Variants in ATE1 observed in about 807,000 individuals in gnomAD.
ATE1 encodes the protein arginyltransferase 1, also known as arginyl-tRNA--protein transferase 1.
A neutral mutation model predicts 70.5 loss-of-function variants in ATE1; 36 were observed. That is an observed-to-expected ratio of 0.51 (90% CI 0.39 to 0.67). The LOEUF is 0.67. ATE1 is among the 30% of genes least tolerant of loss of function. The pLI is 0.00. For synonymous variants in ATE1, 232 were observed against 219.3 expected, an observed-to-expected ratio of 1.06 and a Z score of -0.51; for missense variants, 593 against 629.5, an observed-to-expected ratio of 0.94 and a Z score of 0.62.
In ATE1 at chr10:121,761,658, C is replaced by T. The variant is rs144077808; in HGVS notation, c.1379-17800G>A. Among the ~76,000 whole-genome samples, 52 of 152,246 alleles carry T rather than the reference C, an allele frequency of 3.4e-4. 3 individuals carry two copies. The East Asian group carries it at 8.5e-3, about 25-fold the overall frequency. ...AATTTTCTGGGAAATTTAGGGTGCT[C>T]TAATCTCTGAAGAGGATCCCCTTTC... On this transcript the variant is annotated intron_variant, in intron 11 of 11. Transcript: ENST00000224652.
At chr10:121,895,791 T>C (rs1950757846) in intron 7 of ATE1, among the ~76,000 whole-genome samples, 1 of 152,106 alleles carries the variant, frequency 6.6e-6, no homozygotes, top group Non-Finnish European at 1.5e-5. Context: ...TGGTGGCACA[T>C]GCCTGTAGTC....
chr10:121,778,763 G>A (rs1250014062), intron 11 of ATE1, among the ~76,000 whole-genome samples: 5 of 151,630 alleles, frequency 3.3e-5, no homozygotes, highest in African/African-American at 7.3e-5. Flanking sequence ...CACCACGCCC[G>A]GCTAATTTTT....
chr10:121,779,112 G>C (rs896878317), intron 11 of ATE1, among the ~76,000 whole-genome samples: 2 of 152,086 alleles, frequency 1.3e-5, no homozygotes, highest in African/African-American at 2.4e-5. Context: ...AGTTCTCATA[G>C]AGACCTCCAA....
chr10:121,756,136 A>ATTGC (rs754588739), intron 11 of ATE1, among the ~76,000 whole-genome samples: 239 of 152,150 alleles, frequency 1.6e-3, no homozygotes, highest in Non-Finnish European at 2.8e-3. Flanking sequence ...GGCCAAAACA[A>ATTGC]AAGGGCTACA....
chr10:121,899,702 T>C (rs970023325), intron 7 of ATE1, among the ~76,000 whole-genome samples, 164 bp downstream of exon 7: 10 of 152,292 alleles, frequency 6.6e-5, no homozygotes, highest in South Asian at 2.1e-4. Context: ...TAGGTAAAAT[T>C]TGCACTTTCA....
At chr10:121,782,084 G>T (rs1946016786) in intron 11 of ATE1, among the ~76,000 whole-genome samples, 1 of 152,030 alleles carries the variant, frequency 6.6e-6, no homozygotes, top group South Asian at 2.1e-4. Context: ...AAAATACCTT[G>T]CAGGAAAAAA....
At chr10:121,749,406 C>T (rs969665929) in intron 11 of ATE1, among the ~76,000 whole-genome samples, 1 of 152,098 alleles carries the variant, frequency 6.6e-6, no homozygotes, top group Non-Finnish European at 1.5e-5. Flanking sequence ...GTGAAAAACC[C>T]TTTAATTGTA....
chr10:121,856,451 AC>A, intron 8 of ATE1, among the ~76,000 whole-genome samples: 1 of 152,164 alleles, frequency 6.6e-6, no homozygotes, highest in East Asian at 1.9e-4. Flanking sequence ...AATCGCTTGA[AC>A]CCAGGAGGAG....
At chr10:121,810,976 C>T (rs535787945) in intron 10 of ATE1, among the ~76,000 whole-genome samples, 59 of 152,272 alleles carry the variant, frequency 3.9e-4, no homozygotes, top group Admixed American at 7.8e-4. Flanking sequence ...GGTGGAATTA[C>T]ACGTGTGAGC....
At chr10:121,894,070 G>A (rs556564122) in intron 7 of ATE1, among the ~76,000 whole-genome samples, 228 of 151,022 alleles carry the variant, frequency 1.5e-3, no homozygotes, top group African/African-American at 5.2e-3. Context: ...CCGGGAGGCG[G>A]AGGTTGCAGT....
chr10:121,825,540 A>G (rs1053329918), intron 10 of ATE1, among the ~76,000 whole-genome samples: 2 of 152,202 alleles, frequency 1.3e-5, no homozygotes, highest in African/African-American at 2.4e-5. Flanking sequence ...AAGAGGCACA[A>G]CTCTGACAAA....
chr10:121,876,838 C>T (rs1266867095), intron 7 of ATE1, among the ~76,000 whole-genome samples: 12 of 151,832 alleles, frequency 7.9e-5, no homozygotes, highest in Admixed American at 7.2e-4. Flanking sequence ...TGGTGGCGGG[C>T]GCCTGTAGTC....
At chr10:121,765,830 C>T (rs1482566778) in intron 11 of ATE1, among the ~76,000 whole-genome samples, 1 of 152,122 alleles carries the variant, frequency 6.6e-6, no homozygotes, top group Non-Finnish European at 1.5e-5. Context: ...CGTTAGCAGA[C>T]TTCCATTTAA....
chr10:121,920,130 C>T (rs1397939015), intron 3 of ATE1, among the ~76,000 whole-genome samples: 1 of 152,006 alleles, frequency 6.6e-6, no homozygotes, highest in Non-Finnish European at 1.5e-5. Context: ...TATATATACA[C>T]ATTGAAATTG....
At position 121,914,274 on chromosome 10, in the gene ATE1, T is replaced by A. The variant is rs1461705610; in HGVS notation, c.234-381A>T. Among the ~76,000 whole-genome samples the A allele has an allele frequency of 2.6e-5, 4 of 151,976 alleles. No homozygotes were observed. In the East Asian group the frequency reaches 7.7e-4, roughly 29 times the overall value. On this transcript the variant is annotated intron_variant, in intron 3 of 11. Transcript: ENST00000224652. ...TAGAGACAGGGTTTCACCATGTTGG[T>A]CAGGCTGGTCTCAAACTCCTGAACT...
intron 5 of ATE1, among the ~76,000 whole-genome samples, chr10:121,906,705 A>G (rs1057472866): frequency 1.3e-5 from 2 of 151,522 alleles, no homozygotes; most frequent in Non-Finnish European, 2.9e-5. Flanking sequence ...TTCAAGCAAT[A>G]CTCCTGCCTC....
At chr10:121,913,236 G>A (rs1187366283) in intron 4 of ATE1, among the ~76,000 whole-genome samples, 1 of 152,156 alleles carries the variant, frequency 6.6e-6, no homozygotes, top group Non-Finnish European at 1.5e-5. Flanking sequence ...AAGAAAAAAA[G>A]CAAATCATGT....
At chr10:121,836,410 C>T (rs1590434923) in intron 10 of ATE1, among the ~76,000 whole-genome samples, 1 of 152,254 alleles carries the variant, frequency 6.6e-6, no homozygotes, top group Non-Finnish European at 1.5e-5. Context: ...CTTCACTCTG[C>T]AGTTTTTATA....
intron 10 of ATE1, among the ~76,000 whole-genome samples, chr10:121,792,528 C>T (rs1229352037): frequency 1.3e-5 from 2 of 152,178 alleles, no homozygotes; most frequent in African/African-American, 2.4e-5. Flanking sequence ...CCATCTACCA[C>T]GGGCAGCTCC....
Sources: allele counts gnomAD v4.1 joint callset (sites outside exome capture counted in the v4.1 genomes callset), GRCh38; gene constraint gnomAD v4.1.1; transcripts MANE v1.5; gene names NCBI Gene and HGNC (gene_info 2026-07-23, HGNC 2026-07-21).